The following SLC16A4 variants were observed in gnomAD, a reference collection of about 807,000 sequenced individuals.
SLC16A4 encodes solute carrier family 16 member 4.
Under a neutral mutation model 47.9 loss-of-function variants are expected in SLC16A4, and 39 were observed. That is an observed-to-expected ratio of 0.81 (90% CI 0.63 to 1.06). The LOEUF (loss-of-function observed/expected upper bound fraction) is 1.06. Ranked by LOEUF, SLC16A4 falls within the 50% of genes least tolerant of loss-of-function variation. SLC16A4 has a pLI of 0.00. For synonymous variants in SLC16A4, 189 were observed against 199.9 expected, an observed-to-expected ratio of 0.95 and a Z score of 0.46; for missense variants, 524 against 573.8, an observed-to-expected ratio of 0.91 and a Z score of 0.89.
chr1:110,364,017 CTT>C, intron 8 of SLC16A4, 124 bp from the exon 9 acceptor site: 1 of 910,422 alleles, frequency 1.1e-6, no homozygotes, highest in Non-Finnish European at 1.5e-6. Context: ...AGTGAAGCTT[CTT>C]AGCTGCCCTA....
chr1:110,376,140 G>A (rs1179898380), intron 7 of SLC16A4, among the ~76,000 whole-genome samples: 2 of 152,112 alleles, frequency 1.3e-5, no homozygotes, highest in African/African-American at 4.8e-5. Context: ...GCCTCCCAAA[G>A]TGCTGGGATT....
intron 8 of SLC16A4, among the ~76,000 whole-genome samples, chr1:110,367,231 TG>T (rs1447112011): frequency 6.6e-6 from 1 of 152,270 alleles, no homozygotes; most frequent in African/African-American, 2.4e-5. Context: ...CAGTGGCTCA[TG>T]CCTGTAATCC....
Position 110,363,776 on chromosome 1 carries a change from CTG to C in SLC16A4, c.1452_1453del (p.Asn484LysfsTer15), listed in dbSNP as rs1661209586. The C allele has an allele frequency of 6.2e-7, 1 of 1,608,036 alleles. No individual in the cohort carries two copies. On this transcript the variant is annotated frameshift_variant, in exon 9 of 9. Transcript: ENST00000369779. LOFTEE classifies it high-confidence loss of function. ...GCAGTCTTCTTTCTTTCAGGTCAGACTGTTTTTCCATCTTTCGGCCAATGGTA... is the reference window on the plus strand; with the variant it reads ...GCAGTCTTCTTTCTTTCAGGTCAGACTTTTTCCATCTTTCGGCCAATGGTA...
Position 110,381,010 on chromosome 1 carries a change from T to G in SLC16A4, c.498A>C (p.Lys166Asn), listed in dbSNP as rs565255726. 8 of 1,614,008 alleles carry G rather than the reference T, an allele frequency of 5.0e-6. No individual in the cohort carries two copies. The Admixed American group carries it at 8.3e-5, about 17-fold the overall frequency. ...TCCAGTCATACAGATCTATCAGGAA[T>G]TTTGTAAAGGGTGCCAAAAGAAAAG... Reference protein sequence around the residue: ...GLTFLLAPFTKFLIDLYDWTG... With the variant: ...GLTFLLAPFTNFLIDLYDWTG... The change falls in exon 5 of 9, where the codon AAA (lysine) becomes AAC (asparagine). Residue 166 changes from lysine (K) to asparagine (N), a missense_variant. By Grantham distance (94) the Lys-to-Asn change is moderately conservative. Coordinates refer to ENST00000369779, the MANE Select transcript of SLC16A4 (RefSeq NM_004696.3).
intron 1 of SLC16A4, among the ~76,000 whole-genome samples, chr1:110,390,120 C>T (rs1454286444): frequency 6.6e-6 from 1 of 152,014 alleles, no homozygotes; most frequent in Non-Finnish European, 1.5e-5. Flanking sequence ...TTTTTTAACC[C>T]CTCAGTTACA....
chr1:110,371,310 G>C (rs989456238), intron 8 of SLC16A4: 2 of 152,100 alleles, frequency 1.3e-5, no homozygotes, highest in Non-Finnish European at 2.9e-5. Context: ...GAGAAGTGGG[G>C]AACTGCATTC....
Position 110,363,708 on chromosome 1 carries a change from T to C in SLC16A4, c.*58A>G, listed in dbSNP as rs566971262. 118 of 1,461,734 alleles carry C rather than the reference T, an allele frequency of 8.1e-5. 1 individual carries two copies. The highest frequency in any genetic ancestry group is 4.1e-4 in the African/African-American group (28 of 69,082). 90.5% of individuals were successfully genotyped at this position (1,461,734 alleles called of 1,614,324 possible). The stretch of plus-strand genomic sequence containing the variant: ...GTTTCTTTCAAGCTTTTGTTTCCAA[T>C]GACATTAGTTTAGGTTTTCTTTTGT... On this transcript the variant is annotated 3_prime_UTR_variant, in exon 9 of 9. Transcript: ENST00000369779.
intron 2 of SLC16A4, among the ~76,000 whole-genome samples, chr1:110,386,710 A>G (rs1662754240): frequency 6.6e-6 from 1 of 152,184 alleles, no homozygotes; most frequent in South Asian, 2.1e-4. Flanking sequence ...AGTTTTATCT[A>G]ATAACAACTT....
intron 2 of SLC16A4, among the ~76,000 whole-genome samples, chr1:110,383,888 A>G (rs1019699952): frequency 7.0e-6 from 1 of 142,232 alleles, no homozygotes; most frequent in African/African-American, 2.7e-5. Flanking sequence ...GTTTCCCCCA[A>G]AGTTAGTTCA....
At position 110,380,998 on chromosome 1, in the gene SLC16A4, A is replaced by T; in HGVS notation, c.510T>A (p.Asp170Glu). ...LLAPFTKFLI[D>E]LYDWTGALIL... ...ATGACGTACCTGTCCAGTCATACAGATCTATCAGGAATTTTGTAAAGGGTG... is the reference window on the plus strand; with the variant it reads ...ATGACGTACCTGTCCAGTCATACAGTTCTATCAGGAATTTTGTAAAGGGTG... The change falls in exon 5 of 9, where the codon GAT (aspartate) becomes GAA (glutamate). Residue 170 changes from aspartate to glutamate, a missense_variant. Physicochemically the swap from Asp to Glu is conservative, Grantham distance 45. Coordinates refer to ENST00000369779, the MANE Select transcript of SLC16A4 (RefSeq NM_004696.3). 1.2e-6 allele frequency: 2 copies of T among 1,614,128 alleles called. No homozygotes were observed. Among genetic ancestry groups the T allele is most frequent in the East Asian group, 4.5e-5 (2 of 44,878 alleles).
rs115728652 is a variant in SLC16A4 at position 110,380,412 on chromosome 1, A to G, written c.526+570T>C. Among the ~76,000 whole-genome samples the G allele has an allele frequency of 6.5e-3, 990 of 152,314 alleles. 13 individuals carry two copies. Among genetic ancestry groups the G allele is most frequent in the Non-Finnish European group, 7.1e-3 (485 of 68,022 alleles). On this transcript the variant is annotated intron_variant, in intron 5 of 8. Transcript: ENST00000369779. ...GTAGTTTAGGATTATTTTAATCCAA[A>G]TGTCTTAGTTACAAAGAAAATTGTG... is the stretch of plus-strand genomic sequence containing the variant.
At chr1:110,380,096 G>A (rs943497279) in intron 5 of SLC16A4, among the ~76,000 whole-genome samples, 1 of 135,382 alleles carries the variant, frequency 7.4e-6, no homozygotes, top group Non-Finnish European at 1.6e-5. Flanking sequence ...AGGAAGGCAT[G>A]GATAGCCTTT....
intron 2 of SLC16A4, among the ~76,000 whole-genome samples, chr1:110,384,953 C>T (rs977748292): frequency 2.0e-5 from 3 of 152,090 alleles, no homozygotes; most frequent in Non-Finnish European, 2.9e-5. Context: ...GTCGAGGGTA[C>T]GGTGAGTTGT....
At chr1:110,378,054 C>A (rs906599915) in intron 6 of SLC16A4, among the ~76,000 whole-genome samples, 1 of 152,148 alleles carries the variant, frequency 6.6e-6, no homozygotes, top group African/African-American at 2.4e-5. Context: ...TGGTCTTGAT[C>A]TCCTGGCCTC....
At chr1:110,366,977 T>C (rs1419982493) in intron 8 of SLC16A4, among the ~76,000 whole-genome samples, 1 of 152,226 alleles carries the variant, frequency 6.6e-6, no homozygotes, top group East Asian at 1.9e-4. Flanking sequence ...GATAATAGTA[T>C]ACAGCTGAGT....
chr1:110,385,700 T>C (rs1234080219), intron 2 of SLC16A4, among the ~76,000 whole-genome samples: 1 of 152,202 alleles, frequency 6.6e-6, no homozygotes, highest in East Asian at 1.9e-4. Context: ...GCAAAAGTGG[T>C]AGTGGTGAGG....
chr1:110,373,875 C>CT (rs1474203567), intron 8 of SLC16A4, among the ~76,000 whole-genome samples: 4 of 151,764 alleles, frequency 2.6e-5, no homozygotes, highest in Admixed American at 2.6e-4. Flanking sequence ...TGGTGCCTCA[C>CT]TATCTTGTCC....
chr1:110,384,193 C>T (rs1662607587), intron 2 of SLC16A4, among the ~76,000 whole-genome samples: 1 of 152,142 alleles, frequency 6.6e-6, no homozygotes, highest in Non-Finnish European at 1.5e-5. Context: ...AAGTGTTTGT[C>T]CAAAGAGGAA....
intron 6 of SLC16A4, 67 bp from the exon 7 acceptor site, chr1:110,377,228 A>G (rs922832372): frequency 1.6e-6 from 2 of 1,279,104 alleles, no homozygotes; most frequent in Non-Finnish European, 2.2e-6. Context: ...ATACAGCATC[A>G]TTTCCCAAGT....
Sources: gnomAD v4.1 joint callset for allele counts (sites outside exome capture counted in the v4.1 genomes callset) on GRCh38, gnomAD v4.1.1 for gene constraint, MANE v1.5 for transcripts, NCBI Gene and HGNC (gene_info 2026-07-23, HGNC 2026-07-21) for gene names.